Variants in THBS2 observed in about 807,000 individuals in gnomAD.
THBS2 encodes thrombospondin-2.
In THBS2, 47 loss-of-function variants were observed where a neutral mutation model predicts 135.2. The observed-to-expected ratio is 0.35, with a 90% CI of 0.28 to 0.44. The LOEUF is 0.44. Among genes scored for constraint, THBS2 ranks in the 20% least tolerant of loss-of-function variants. The pLI, the probability that THBS2 is intolerant of heterozygous loss-of-function variation, is 1.00. For synonymous variants in THBS2, 639 were observed against 633.8 expected (o/e 1.01, Z -0.12); for missense variants, 1,288 against 1,603.1 (o/e 0.80, Z 3.36).
chr6:169,229,049 G>A (rs544360226), intron 14 of THBS2, among the ~76,000 whole-genome samples: 1 of 152,332 alleles, frequency 6.6e-6, no homozygotes, highest in African/African-American at 2.4e-5. Flanking sequence ...TCATGGTGAG[G>A]AGAGATATGT....
chr6:169,229,702 A>C (rs1779764399), intron 13 of THBS2, 23 bp from the exon 14 acceptor site: 1 of 1,582,484 alleles, frequency 6.3e-7, no homozygotes, highest in African/African-American at 1.3e-5. Context: ...AAGGAAGAAT[A>C]CTTGGAAAAA....
At chr6:169,226,151 C>T in intron 16 of THBS2, 29 bp downstream of exon 16, 1 of 1,588,230 alleles carries the variant, frequency 6.3e-7, no homozygotes, top group Non-Finnish European at 8.6e-7. Context: ...TGAGGACCTC[C>T]AACCCCGCCT....
chr6:169,247,241 T>TTG (rs368892448), intron 3 of THBS2, among the ~76,000 whole-genome samples: 1 of 152,000 alleles, frequency 6.6e-6, no homozygotes, highest in African/African-American at 2.4e-5. Context: ...AAGGCGTGCG[T>TTG]TGTGTGTGTG....
chr6:169,245,373 A>T (rs986117652), intron 4 of THBS2, among the ~76,000 whole-genome samples: 3 of 152,214 alleles, frequency 2.0e-5, no homozygotes, highest in Non-Finnish European at 2.9e-5. Flanking sequence ...TCAAGAAAAT[A>T]TTGGAAAGTG....
At chr6:169,219,823 C>CTCCT in intron 21 of THBS2, 1 of 476,040 alleles carries the variant, frequency 2.1e-6, no homozygotes. Flanking sequence ...TATAGAGAAA[C>CTCCT]TCCTTCCTTC....
intron 9 of THBS2, 106 bp from the exon 10 acceptor site, chr6:169,235,013 C>T: frequency 8.6e-7 from 1 of 1,162,700 alleles, no homozygotes; most frequent in Non-Finnish European, 1.2e-6. Context: ...GTTCCCTACA[C>T]AGCCCCACAA....
intron 21 of THBS2, 36 bp from the exon 22 acceptor site, chr6:169,217,865 C>T (rs776358814): frequency 1.9e-6 from 3 of 1,591,490 alleles, no homozygotes; most frequent in Admixed American, 1.8e-5. Flanking sequence ...AAACAATTAG[C>T]ATAACTGGGC....
intron 13 of THBS2, among the ~76,000 whole-genome samples, chr6:169,229,969 G>A (rs759209058): frequency 3.3e-5 from 5 of 152,290 alleles, no homozygotes; most frequent in Admixed American, 2.6e-4. Context: ...AACAAGAAGA[G>A]AATGACAAGG....
intron 4 of THBS2, among the ~76,000 whole-genome samples, chr6:169,242,618 C>CAT (rs1171315250): frequency 3.5e-5 from 2 of 57,062 alleles, no homozygotes; most frequent in South Asian, 7.7e-4. Context: ...CTTCCCACCG[C>CAT]TCCCACCTTC....
At chr6:169,228,074 CAAAAA>C in intron 15 of THBS2, 43 bp downstream of exon 15, 11 of 1,431,046 alleles carry the variant, frequency 7.7e-6, no homozygotes, top group South Asian at 4.2e-5. Flanking sequence ...AACTCCATCT[CAAAAA>C]AAAAAAAAAA....
Position 169,241,423 on chromosome 6 carries a change from G to C in THBS2, c.891+339C>G, listed in dbSNP as rs1780290665. 1.3e-5 allele frequency among the ~76,000 whole-genome samples: 1 copy of C among 75,342 alleles called. No homozygotes were observed. The highest frequency in any genetic ancestry group is 2.6e-5 in the Non-Finnish European group (1 of 38,920). The allele number at this position is 75,342 out of a possible 152,430, so 49.4% of individuals were successfully genotyped here. ...CAGGTGTGTGTGTGTGTGTATGTGT[G>C]TGTATGTGTGTGTGTATGTGTGTGT... On this transcript the variant is annotated intron_variant, in intron 5 of 21. Coordinates refer to ENST00000617924, the MANE Select transcript of THBS2 (RefSeq NM_003247.5). The surrounding 1 kb of genome is among the most constrained non-coding windows in gnomAD (Gnocchi z 5.5).
At chr6:169,247,771 G>T (rs1270719362) in intron 3 of THBS2, among the ~76,000 whole-genome samples, 1 of 151,826 alleles carries the variant, frequency 6.6e-6, no homozygotes, top group Admixed American at 6.6e-5. Context: ...TGGTGTGTGT[G>T]CATGTGTGGT....
intron 18 of THBS2, 45 bp downstream of exon 18, chr6:169,223,203 C>G: frequency 6.3e-7 from 1 of 1,578,162 alleles, no homozygotes; most frequent in Non-Finnish European, 8.7e-7. Flanking sequence ...GTGGGCGCCT[C>G]CCCCGGAGAA....
chr6:169,244,558 T>TA (rs1780480488), intron 4 of THBS2, among the ~76,000 whole-genome samples: 1 of 150,706 alleles, frequency 6.6e-6, no homozygotes, highest in East Asian at 2.0e-4. Flanking sequence ...GTTTTGTTTA[T>TA]AAAAACAATA....
intron 16 of THBS2, 52 bp downstream of exon 16, chr6:169,226,128 C>T (rs1204358992): frequency 1.9e-5 from 29 of 1,504,056 alleles, no homozygotes; most frequent in Admixed American, 3.5e-5. Flanking sequence ...CCACCGTCCC[C>T]GCGTCCCTCT....
intron 7 of THBS2, 77 bp downstream of exon 7, chr6:169,239,522 C>T (rs1780217568): frequency 7.1e-7 from 1 of 1,414,878 alleles, no homozygotes. Flanking sequence ...CTGCCAAAAC[C>T]AACCAATGAA....
intron 1 of THBS2, among the ~76,000 whole-genome samples, chr6:169,251,593 T>C (rs975342665): frequency 3.3e-5 from 5 of 152,286 alleles, no homozygotes; most frequent in African/African-American, 1.2e-4. Context: ...CCCAGGTCCC[T>C]TCCAGCAATT....
At chr6:169,227,819 C>T (rs967167368) in intron 15 of THBS2, among the ~76,000 whole-genome samples, 14 of 152,214 alleles carry the variant, frequency 9.2e-5, no homozygotes, top group African/African-American at 2.9e-4. Flanking sequence ...CGGTGGCTCA[C>T]GCCTGTAATC....
At chr6:169,233,978 A>G (rs985030275) in intron 10 of THBS2, among the ~76,000 whole-genome samples, 4 of 150,732 alleles carry the variant, frequency 2.7e-5, no homozygotes, top group African/African-American at 9.8e-5. Context: ...ACTACATGCA[A>G]GGTGACACAC....
Sources: gnomAD v4.1 joint callset for allele counts (sites outside exome capture counted in the v4.1 genomes callset) on GRCh38, gnomAD v4.1.1 for gene constraint, Gnocchi (gnomAD v3.1) non-coding constraint, MANE v1.5 for transcripts, NCBI Gene and HGNC (gene_info 2026-07-23, HGNC 2026-07-21) for gene names.